The following NPLOC4 variants were observed in gnomAD, a reference collection of about 807,000 sequenced individuals.
The protein encoded by NPLOC4 is NPL4 homolog, ubiquitin recognition factor.
NPLOC4 carries 18 observed loss-of-function variants against 80.6 expected under a neutral mutation model. The observed-to-expected ratio is 0.22, with a 90% CI of 0.15 to 0.33. The LOEUF is 0.33. Ranked by LOEUF, NPLOC4 falls within the 10% of genes least tolerant of loss-of-function variation. The pLI is 1.00. For synonymous variants in NPLOC4, 313 were observed against 301.5 expected (o/e 1.04, Z -0.39); for missense variants, 540 against 786.1 (o/e 0.69, Z 3.74).
At chr17:81,612,350 C>T (rs1383770387) in intron 4 of NPLOC4, among the ~76,000 whole-genome samples, 1 of 152,148 alleles carries the variant, frequency 6.6e-6, no homozygotes, top group African/African-American at 2.4e-5. Context: ...GCTCAGAATT[C>T]TCTCACACAC....
intron 11 of NPLOC4, among the ~76,000 whole-genome samples, chr17:81,595,436 A>T (rs947170428): frequency 2.0e-5 from 3 of 146,804 alleles, no homozygotes; most frequent in African/African-American, 7.5e-5. Context: ...TCAAAAAAAA[A>T]AAAAAAACCC....
chr17:81,628,819 C>A (rs2035861956), intron 2 of NPLOC4, among the ~76,000 whole-genome samples: 1 of 151,580 alleles, frequency 6.6e-6, no homozygotes, highest in African/African-American at 2.4e-5. Flanking sequence ...CAATGCAGGT[C>A]AGGAGACCAG....
chr17:81,619,864 T>C (rs1018845515), intron 3 of NPLOC4, among the ~76,000 whole-genome samples: 1 of 149,982 alleles, frequency 6.7e-6, no homozygotes, highest in Non-Finnish European at 1.5e-5. Flanking sequence ...GGGCAACAGA[T>C]TGAGACTCCG....
At chr17:81,576,990 T>G (rs151206776) in intron 12 of NPLOC4, among the ~76,000 whole-genome samples, 78 of 152,270 alleles carry the variant, frequency 5.1e-4, no homozygotes, top group African/African-American at 1.8e-3. Context: ...GTTCTAGCAA[T>G]TCATCCCAAG....
At chr17:81,593,717 T>G (rs2034811345) in intron 11 of NPLOC4, among the ~76,000 whole-genome samples, 2 of 151,618 alleles carry the variant, frequency 1.3e-5, no homozygotes, top group Non-Finnish European at 2.9e-5. Flanking sequence ...GACACTTTTC[T>G]CCCCGTCTCT....
At chr17:81,617,442 G>A (rs1309831893) in intron 3 of NPLOC4, among the ~76,000 whole-genome samples, 2 of 152,006 alleles carry the variant, frequency 1.3e-5, no homozygotes, top group African/African-American at 4.8e-5. Flanking sequence ...GGGAGGCTGA[G>A]GCCAGCAGAT....
Position 81,626,148 on chromosome 17 carries a change from C to CA in NPLOC4, c.96+3576dup, listed in dbSNP as rs1159898008. 3.5e-3 allele frequency among the ~76,000 whole-genome samples: 307 copies of CA among 88,348 alleles called. 2 individuals carry two copies. The highest frequency in any genetic ancestry group is 6.2e-3 in the African/African-American group (141 of 22,788). 58.0% of individuals were successfully genotyped at this position (88,348 alleles called of 152,430 possible). On this transcript the variant is annotated intron_variant, in intron 2 of 16. Coordinates refer to ENST00000331134, the MANE Select transcript of NPLOC4 (RefSeq NM_017921.4). ...CAAGCGACAGAGTGAGACTTCATCT[C>CA]AAAAAAAAAAAAAAAAAATTAGCCA...
At chr17:81,617,163 C>T (rs9747336) in intron 3 of NPLOC4, among the ~76,000 whole-genome samples, 93,770 of 152,066 alleles carry the variant, frequency 0.62, 30,965 homozygotes, top group East Asian at 0.99. Flanking sequence ...TGGAGGCCAG[C>T]GGGCCAATGT....
chr17:81,636,893 TC>T (rs936600352), intron 1 of NPLOC4, 22 bp downstream of exon 1: 1 of 1,407,282 alleles, frequency 7.1e-7, no homozygotes, highest in Non-Finnish European at 9.3e-7. Flanking sequence ...GCGTCCCCGC[TC>T]CCGCCCGGCC....
At chr17:81,593,999 C>T (rs915474324) in intron 11 of NPLOC4, among the ~76,000 whole-genome samples, 65 of 152,274 alleles carry the variant, frequency 4.3e-4, no homozygotes, top group African/African-American at 1.4e-3. Flanking sequence ...CTCGGCCGGG[C>T]GCAGTGGCTC....
chr17:81,615,320 G>A (rs908590304), intron 3 of NPLOC4, among the ~76,000 whole-genome samples: 4 of 151,774 alleles, frequency 2.6e-5, no homozygotes, highest in East Asian at 1.9e-4. Context: ...GGCTGGTCTC[G>A]AACTCCTGAC....
intron 11 of NPLOC4, among the ~76,000 whole-genome samples, chr17:81,594,346 AATT>A (rs2034837313): frequency 6.6e-6 from 1 of 151,096 alleles, no homozygotes; most frequent in South Asian, 2.1e-4. Context: ...AACATGTATT[AATT>A]ATTAACATAA....
At chr17:81,625,012 A>G (rs971726821) in intron 2 of NPLOC4, among the ~76,000 whole-genome samples, 5 of 152,202 alleles carry the variant, frequency 3.3e-5, no homozygotes, top group African/African-American at 1.2e-4. Context: ...CACACTGAAG[A>G]GGAAGCTAGA....
At chr17:81,629,091 GATGGTCTC>G (rs1015025333) in intron 2 of NPLOC4, among the ~76,000 whole-genome samples, 1 of 151,682 alleles carries the variant, frequency 6.6e-6, no homozygotes, top group Non-Finnish European at 1.5e-5. Flanking sequence ...TGTTAGCCAG[GATGGTCTC>G]AATCTCCTGA....
chr17:81,574,675 G>C (rs1257014371), intron 12 of NPLOC4, among the ~76,000 whole-genome samples: 1 of 152,158 alleles, frequency 6.6e-6, no homozygotes, highest in Non-Finnish European at 1.5e-5. Context: ...CCAAGGTCTT[G>C]ACACCAAGAG....
chr17:81,561,540 T>C (rs1376211106), intron 16 of NPLOC4, among the ~76,000 whole-genome samples: 2 of 152,346 alleles, frequency 1.3e-5, no homozygotes, highest in East Asian at 1.9e-4. Context: ...CCTAAAAGAA[T>C]CTTTGCGTAC....
At chr17:81,586,320 G>A (rs553976593) in intron 12 of NPLOC4, among the ~76,000 whole-genome samples, 2 of 152,208 alleles carry the variant, frequency 1.3e-5, no homozygotes, top group Non-Finnish European at 2.9e-5. Flanking sequence ...TGGGTGTGGT[G>A]TAATCCCAGC....
At chr17:81,622,730 T>C (rs2035700991) in intron 2 of NPLOC4, among the ~76,000 whole-genome samples, 2 of 152,042 alleles carry the variant, frequency 1.3e-5, no homozygotes, top group South Asian at 2.1e-4. Context: ...TTTGTATTTT[T>C]AGTAGAGATG....
At chr17:81,630,943 C>T (rs937158342) in intron 1 of NPLOC4, among the ~76,000 whole-genome samples, 1 of 151,994 alleles carries the variant, frequency 6.6e-6, no homozygotes, top group African/African-American at 2.4e-5. Flanking sequence ...GAGGCCAATG[C>T]GGGCAGATCA....
Sources: gnomAD v4.1 joint callset for allele counts (sites outside exome capture counted in the v4.1 genomes callset) on GRCh38, gnomAD v4.1.1 for gene constraint, MANE v1.5 for transcripts, NCBI Gene and HGNC (gene_info 2026-07-23, HGNC 2026-07-21) for gene names.